UTP15: variants seen among roughly 807,000 people sequenced by gnomAD.
The protein encoded by UTP15 is UTP15 small subunit processome component.
Under a neutral mutation model 59.1 loss-of-function variants are expected in UTP15, and 5 were observed. That is an observed-to-expected ratio of 0.08 (90% confidence interval 0.04 to 0.18). The LOEUF (loss-of-function observed/expected upper bound fraction) is 0.18, where lower values mean the gene tolerates loss of function less well. UTP15 is among the 10% of genes least tolerant of loss of function. The pLI is 1.00. For synonymous variants in UTP15, 211 were observed against 212.2 expected, an observed-to-expected ratio of 0.99 and a Z score of 0.05; for missense variants, 494 against 616.7, an observed-to-expected ratio of 0.80 and a Z score of 2.11.
Position 73,569,638 on chromosome 5 carries a change from A to T in UTP15, c.510A>T (p.Gly170=). ...FKEHSDYVRC[G]CASKLNPDLF... The stretch of plus-strand genomic sequence containing the variant: ...AACACTCTGATTATGTGAGGTGTGG[A>T]TGTGCTAGCAAACTTAATCCGGATC... The change falls in exon 5 of 13, where the codon GGA becomes GGT. Residue 170 remains glycine, a synonymous_variant. Transcript: ENST00000296792. The T allele has an allele frequency of 1.2e-6, 2 of 1,612,794 alleles. No homozygotes were observed. The highest frequency in any genetic ancestry group is 1.7e-6 in the Non-Finnish European group (2 of 1,179,480).
intron 7 of UTP15, among the ~76,000 whole-genome samples, chr5:73,575,282 A>AAAGCT (rs1748056978): frequency 6.6e-6 from 1 of 152,206 alleles, no homozygotes; most frequent in South Asian, 2.1e-4. Context: ...TATGTTCCTA[A>AAAGCT]AAGCTAAGTG....
chr5:73,568,701 G>T (rs958977701), intron 4 of UTP15, 97 bp downstream of exon 4: 1 of 1,221,292 alleles, frequency 8.2e-7, no homozygotes, highest in East Asian at 2.4e-5. Flanking sequence ...TCAGTTTTAT[G>T]GAGATTATTT....
chr5:73,568,173 G>A (rs1259622091), intron 2 of UTP15, 62 bp from the exon 3 acceptor site: 10 of 1,195,732 alleles, frequency 8.4e-6, no homozygotes, highest in East Asian at 2.4e-5. Context: ...AAGAAATTAT[G>A]TAATGCATAA....
rs1391311039 is a variant in UTP15 at position 73,577,876 on chromosome 5, T to C, written c.915T>C (p.Val305=). 6.3e-7 allele frequency: 1 copy of C among 1,592,178 alleles called. No homozygotes were observed. The highest frequency in any genetic ancestry group is 8.5e-7 in the Non-Finnish European group (1 of 1,173,250). The change falls in exon 9 of 13, where the codon GTT becomes GTC. Residue 305 remains valine (V), a synonymous_variant. Transcript: ENST00000296792. ...LALAHEDETI[V]VGMTNGILSV... ...ATTAGCATGAAGATGAGACAATAGT[T>C]GTAGGAATGACCAATGGAATACTGA...
At position 73,572,585 on chromosome 5, in the gene UTP15, G is replaced by A; in HGVS notation, c.770G>A (p.Ser257Asn). 6.2e-7 allele frequency: 1 copy of A among 1,614,146 alleles called. No individual in the cohort carries two copies. Among genetic ancestry groups the A allele is most frequent in the Non-Finnish European group, 8.5e-7 (1 of 1,180,026 alleles). ...AAAACCGTGACATGTTTATGTCTAA[G>A]CAGCTCTGGACAGAGGTTACTCTCT... ...HHKTVTCLCLSSSGQRLLSGS... is the reference protein window; with the variant it reads ...HHKTVTCLCLNSSGQRLLSGS... Residue 257 changes from serine to asparagine, a missense_variant, in exon 7 of 13, where the codon AGC (serine) becomes AAC (asparagine). Transcript: ENST00000296792.
In UTP15 at chr5:73,578,798, T is replaced by C. The variant is rs1425769150; in HGVS notation, c.1092T>C (p.Tyr364=). ...NRPAKKHLEL[Y]DRDLKHFRIS... ...CAGCAAAGAAGCACCTAGAATTGTA[T>C]GACAGGGATCTGAAACATTTTCGGA... The change falls in exon 10 of 13, where the codon TAT becomes TAC. Residue 364 remains tyrosine, a synonymous_variant. Coordinates refer to ENST00000296792, the MANE Select transcript of UTP15 (RefSeq NM_032175.4). 1.2e-6 allele frequency: 2 copies of C among 1,613,988 alleles called. No individual in the cohort carries two copies. Among genetic ancestry groups the C allele is most frequent in the East Asian group, 2.2e-5 (1 of 44,866 alleles).
At position 73,567,636 on chromosome 5, in the gene UTP15, A is replaced by T. The variant is rs540517868; in HGVS notation, c.90+202A>T. On this transcript the variant is annotated intron_variant, in intron 2 of 12. Transcript: ENST00000296792. ...CATACTGCTTAATCAGATTAACCAT[A>T]CAAATGCCTAGCACAGAACAGATGA... 12 of 399,316 alleles carry T rather than the reference A, an allele frequency of 3.0e-5. No homozygotes were observed. In the South Asian group the frequency reaches 6.5e-4, roughly 22 times the overall value. 24.7% of individuals were successfully genotyped at this position (399,316 alleles called of 1,614,324 possible).
At chr5:73,572,803 T>C (rs760566614) in intron 7 of UTP15, among the ~76,000 whole-genome samples, 179 bp downstream of exon 7, 18 of 152,104 alleles carry the variant, frequency 1.2e-4, no homozygotes, top group Non-Finnish European at 2.1e-4. Flanking sequence ...CTTCTTTTCT[T>C]TTCTTTTTTT....
chr5:73,580,578 TGC>T lies in UTP15; in HGVS notation c.*485_*486del. On this transcript the variant is annotated 3_prime_UTR_variant, in exon 13 of 13. Transcript: ENST00000296792. ...GGGATTTCTAGGCCCTTGCTTAGCT[TGC>T]TTCCTGTCTCCTTGATATCTACACT... 5 of 153,000 alleles carry T rather than the reference TGC, an allele frequency of 3.3e-5. No individual in the cohort carries two copies. Among genetic ancestry groups the T allele is most frequent in the South Asian group, 2.1e-4 (1 of 4,838 alleles). 9.5% of individuals were successfully genotyped at this position (153,000 alleles called of 1,614,324 possible).
Position 73,579,075 on chromosome 5 carries a change from G to A in UTP15, c.1205G>A (p.Arg402Gln), listed in dbSNP as rs1233018763. Residue 402 changes from arginine to glutamine, a missense_variant, in exon 11 of 13, where the codon CGA (arginine) becomes CAA (glutamine). Physicochemically the swap from Arg to Gln is conservative, Grantham distance 43. Coordinates refer to ENST00000296792, the MANE Select transcript of UTP15 (RefSeq NM_032175.4). ...ITVSIIKELN[R>Q]RGVLANALAG... ...GTGTCCATCATAAAGGAGTTAAATC[G>A]AAGAGGAGTCCTTGCAAATGCGCTT... 2.5e-6 allele frequency: 4 copies of A among 1,613,906 alleles called. No individual in the cohort carries two copies. Among genetic ancestry groups the A allele is most frequent in the Admixed American group, 3.3e-5 (2 of 59,990 alleles).
rs971938334 is a variant in UTP15, at chr5:73,570,731, T to G, written c.673+20T>G. The G allele has an allele frequency of 1.5e-5, 24 of 1,608,340 alleles. No homozygotes were observed. Among genetic ancestry groups the G allele is most frequent in the Middle Eastern group, 3.3e-4 (2 of 6,052 alleles). ...CAGCAGGTACTTCTTAAAAATAGCT[T>G]TCACCAATATTGTTGGTTTTGAATC... is the stretch of plus-strand genomic sequence containing the variant. On this transcript the variant is annotated intron_variant, in intron 6 of 12. Coordinates refer to ENST00000296792, the MANE Select transcript of UTP15 (RefSeq NM_032175.4).
intron 7 of UTP15, 33 bp from the exon 8 acceptor site, chr5:73,576,919 G>A (rs767852961): frequency 6.8e-7 from 1 of 1,467,260 alleles, no homozygotes; most frequent in East Asian, 2.3e-5. Context: ...CGTTTTCAAG[G>A]TGATTTTTGA....
intron 2 of UTP15, among the ~76,000 whole-genome samples, 163 bp from the exon 3 acceptor site, chr5:73,568,072 T>C (rs867270812): frequency 4.1e-4 from 63 of 152,268 alleles, no homozygotes; most frequent in Middle Eastern, 3.4e-3. Flanking sequence ...ATAGTCTGGG[T>C]GATGAGATAT....
intron 7 of UTP15, among the ~76,000 whole-genome samples, chr5:73,573,914 T>A (rs1340940107): frequency 6.6e-6 from 1 of 151,928 alleles, no homozygotes; most frequent in African/African-American, 2.4e-5. Context: ...TAATATCTAA[T>A]GTAAAAATAA....
intron 1 of UTP15, 25 bp from the exon 2 acceptor site, chr5:73,567,237 G>T: frequency 1.7e-6 from 1 of 603,908 alleles, no homozygotes; most frequent in Non-Finnish European, 2.7e-6. Flanking sequence ...CTTATAATAT[G>T]TATATAAAAT....
chr5:73,568,009 G>C (rs1747831281), intron 2 of UTP15, among the ~76,000 whole-genome samples: 1 of 152,166 alleles, frequency 6.6e-6, no homozygotes, highest in Admixed American at 6.5e-5. Context: ...TAGCTGAAGA[G>C]ACAGAGTGGG....
chr5:73,570,457 A>G (rs1197331795), intron 5 of UTP15, 129 bp from the exon 6 acceptor site: 3 of 884,782 alleles, frequency 3.4e-6, no homozygotes, highest in East Asian at 2.7e-5. Context: ...CTGTGTCTTC[A>G]TGAATATACA....
chr5:73,566,442 A>G (rs561329885), intron 1 of UTP15, among the ~76,000 whole-genome samples: 2 of 152,228 alleles, frequency 1.3e-5, no homozygotes, highest in South Asian at 4.1e-4. Flanking sequence ...TTTAATGAAC[A>G]GAAGAGTGTT....
chr5:73,569,512 A>G lies in UTP15; in HGVS notation c.384A>G (p.Val128=), dbSNP rs1747872871. 1.2e-6 allele frequency: 2 copies of G among 1,608,236 alleles called. No homozygotes were observed. The highest frequency in any genetic ancestry group is 1.7e-6 in the Non-Finnish European group (2 of 1,177,398). The change falls in exon 5 of 13, where the codon GTA becomes GTG. Residue 128 remains valine (V), a synonymous_variant. Coordinates refer to ENST00000296792, the MANE Select transcript of UTP15 (RefSeq NM_032175.4). ...AATCTTTCAGAGCAGTTCATACAGT[A>G]GATTTTACAGCTGACAAATATCACG... The part of the protein sequence containing the change: ...FEGHTKAVHT[V]DFTADKYHVV...
Sources: gnomAD v4.1 joint callset for allele counts (sites outside exome capture counted in the v4.1 genomes callset) on GRCh38, gnomAD v4.1.1 for gene constraint, MANE v1.5 for transcripts, NCBI Gene and HGNC (gene_info 2026-07-23, HGNC 2026-07-21) for gene names.